The following PRSS12 variants were observed in gnomAD, a reference collection of about 807,000 sequenced individuals.
The protein encoded by PRSS12 is serine protease 12.
A neutral mutation model predicts 104.4 loss-of-function variants in PRSS12; 85 were observed. The ratio of observed to expected loss-of-function variants is 0.81; its 90% confidence interval spans 0.68 to 0.98. PRSS12 has a LOEUF of 0.98. PRSS12 is among the 50% of genes least tolerant of loss of function. The pLI, the probability that PRSS12 is intolerant of heterozygous loss-of-function variation, is 0.00. For missense variants in PRSS12, 1,141 were observed against 1,139.2 expected, an observed-to-expected ratio of 1.00 and a Z score of -0.02; for synonymous variants, 454 against 425.2, an observed-to-expected ratio of 1.07 and a Z score of -0.83.
chr4:118,343,961 C>T (rs575539122), intron 1 of PRSS12, among the ~76,000 whole-genome samples: 70 of 152,042 alleles, frequency 4.6e-4, no homozygotes, highest in Non-Finnish European at 7.5e-4. Context: ...AAAAACTTCA[C>T]GTTTTCACAC....
intron 5 of PRSS12, among the ~76,000 whole-genome samples, chr4:118,316,837 A>AAAAAAAAATATAT (rs35698159): frequency 1.6e-4 from 16 of 99,190 alleles, no homozygotes; most frequent in African/African-American, 5.5e-4. Flanking sequence ...AAAAAAAAAA[A>AAAAAAAAATATAT]ATATATATAT....
At chr4:118,287,369 C>CA (rs1332768611) in intron 11 of PRSS12, among the ~76,000 whole-genome samples, 2 of 152,272 alleles carry the variant, frequency 1.3e-5, no homozygotes, top group African/African-American at 4.8e-5. Flanking sequence ...TGGTTGGCCT[C>CA]AAACTCCTGG....
intron 11 of PRSS12, 132 bp from the exon 12 acceptor site, chr4:118,283,243 C>T: frequency 8.9e-7 from 1 of 1,121,086 alleles, no homozygotes. Context: ...CCTTTCTTTC[C>T]ATTTATCTGA....
chr4:118,315,296 G>C (rs989907936), intron 6 of PRSS12, among the ~76,000 whole-genome samples: 3 of 152,120 alleles, frequency 2.0e-5, no homozygotes, highest in African/African-American at 7.2e-5. Context: ...TATAATGATA[G>C]CATAAGGATA....
chr4:118,345,432 T>C (rs1233997615), intron 1 of PRSS12, among the ~76,000 whole-genome samples: 4 of 152,140 alleles, frequency 2.6e-5, no homozygotes, highest in African/African-American at 4.8e-5. Flanking sequence ...AGACCAACCA[T>C]GTAAACATCA....
At position 118,282,923 on chromosome 4, in the gene PRSS12, C is replaced by A. The variant is rs1742919822; in HGVS notation, c.2228G>T (p.Ser743Ile). ...TAAACAGGCTGGCAAAACATGGCTG[C>A]TGAATCTGGCACATTGCTCTTCTGG... ...QGPEEQCARF[S>I]SHVLPACLPL... Residue 743 changes from serine (S) to isoleucine (I), a missense_variant, in exon 12 of 13, where the codon AGC becomes ATC. By Grantham distance (142) the Ser-to-Ile change is moderately radical (BLOSUM62 -2). Coordinates refer to ENST00000296498, the MANE Select transcript of PRSS12 (RefSeq NM_003619.4). The A allele has an allele frequency of 6.2e-7, 1 of 1,614,188 alleles. No homozygotes were observed.
In PRSS12 at chr4:118,352,856, C is replaced by G; in HGVS notation, c.-136G>C. On this transcript the variant is annotated 5_prime_UTR_variant, in exon 1 of 13. Transcript: ENST00000296498. ...CTCCCGCCCCCGCACGCGGACCGCC[C>G]TCGCCTCCCCAACCTTGCCTCCCGC... 1 of 1,472,966 alleles carries G rather than the reference C, an allele frequency of 6.8e-7. No individual in the cohort carries two copies. The highest frequency in any genetic ancestry group is 9.0e-7 in the Non-Finnish European group (1 of 1,112,580). The allele number at this position is 1,472,966 out of a possible 1,614,324, so 91.2% of individuals were successfully genotyped here.
chr4:118,316,837 A>AAAAAATATATAT (rs35698159), intron 5 of PRSS12, among the ~76,000 whole-genome samples: 12,864 of 98,282 alleles, frequency 0.13, 1,385 homozygotes, highest in East Asian at 0.36. Context: ...AAAAAAAAAA[A>AAAAAATATATAT]ATATATATAT....
chr4:118,320,585 G>A (rs1426495172), intron 4 of PRSS12, among the ~76,000 whole-genome samples: 1 of 151,858 alleles, frequency 6.6e-6, no homozygotes. Flanking sequence ...AACCCCATCT[G>A]TACAAAAACA....
At chr4:118,322,627 G>A (rs1723665232) in intron 4 of PRSS12, among the ~76,000 whole-genome samples, 1 of 150,012 alleles carries the variant, frequency 6.7e-6, no homozygotes, top group Non-Finnish European at 1.5e-5. Context: ...CAAAAGTCAT[G>A]TAAAAGCTGT....
chr4:118,307,095 T>G (rs1456392123), intron 8 of PRSS12, among the ~76,000 whole-genome samples: 1 of 152,198 alleles, frequency 6.6e-6, no homozygotes, highest in Admixed American at 6.5e-5. Flanking sequence ...AAAGGAGTGA[T>G]AGAAACACAG....
At chr4:118,325,049 A>G (rs918322314) in intron 4 of PRSS12, among the ~76,000 whole-genome samples, 8 of 152,116 alleles carry the variant, frequency 5.3e-5, no homozygotes, top group Admixed American at 5.2e-4. Flanking sequence ...TGGTATACAC[A>G]TGCCAATATC....
intron 11 of PRSS12, among the ~76,000 whole-genome samples, chr4:118,287,120 A>G (rs76345128): frequency 2.0e-5 from 3 of 152,226 alleles, no homozygotes; most frequent in Non-Finnish European, 4.4e-5. Context: ...GTTCATATGT[A>G]TATATGGAAT....
chr4:118,324,895 A>G (rs1480432963), intron 4 of PRSS12, among the ~76,000 whole-genome samples: 1 of 151,960 alleles, frequency 6.6e-6, no homozygotes, highest in East Asian at 1.9e-4. Context: ...AATTTTTAGT[A>G]GAGACAGGTT....
At chr4:118,349,485 T>C (rs1365392066) in intron 1 of PRSS12, among the ~76,000 whole-genome samples, 2 of 151,858 alleles carry the variant, frequency 1.3e-5, no homozygotes, top group Non-Finnish European at 2.9e-5. Flanking sequence ...AGGCCAAACA[T>C]AATTCCCTTT....
intron 1 of PRSS12, among the ~76,000 whole-genome samples, chr4:118,341,911 G>A (rs1724221810): frequency 1.3e-5 from 2 of 152,140 alleles, no homozygotes; most frequent in South Asian, 2.1e-4. Context: ...ATTATACCAT[G>A]TTAGAGTTCA....
At chr4:118,302,190 C>T (rs901515271) in intron 8 of PRSS12, among the ~76,000 whole-genome samples, 2 of 152,292 alleles carry the variant, frequency 1.3e-5, no homozygotes, top group South Asian at 2.1e-4. Flanking sequence ...GTTTGAATCA[C>T]TCTTACATTC....
intron 1 of PRSS12, among the ~76,000 whole-genome samples, chr4:118,342,861 A>T (rs2126044623): frequency 6.6e-6 from 1 of 152,352 alleles, no homozygotes; most frequent in Admixed American, 6.5e-5. Flanking sequence ...TTTCCTTCTA[A>T]GTACATAGGC....
intron 11 of PRSS12, among the ~76,000 whole-genome samples, chr4:118,291,600 C>T (rs2126027318): frequency 6.6e-6 from 1 of 152,134 alleles, no homozygotes; most frequent in Admixed American, 6.5e-5. Flanking sequence ...TTCTGCTTGC[C>T]CTTCTTAGAG....
Sources: allele counts gnomAD v4.1 joint callset (sites outside exome capture counted in the v4.1 genomes callset), GRCh38; gene constraint gnomAD v4.1.1; transcripts MANE v1.5; gene names NCBI Gene and HGNC (gene_info 2026-07-23, HGNC 2026-07-21).